Variants in COL4A3 observed in about 807,000 individuals in gnomAD.
COL4A3 encodes the protein collagen type IV alpha 3 chain.
COL4A3 carries 135 observed loss-of-function variants against 217.4 expected under a neutral mutation model. That is an observed-to-expected ratio of 0.62 (90% confidence interval 0.54 to 0.72). The LOEUF is 0.72. Ranked by LOEUF, COL4A3 falls within the 30% of genes least tolerant of loss-of-function variation. COL4A3 has a pLI of 0.00. For synonymous variants in COL4A3, 690 were observed against 736.3 expected, an observed-to-expected ratio of 0.94 and a Z score of 1.02; for missense variants, 1,868 against 2,119.9, an observed-to-expected ratio of 0.88 and a Z score of 2.33.
rs76933712 is a variant in COL4A3, at chr2:227,243,689, G to A, written c.235-631G>A. 5.5e-3 allele frequency among the ~76,000 whole-genome samples: 840 copies of A among 152,326 alleles called. 25 individuals are homozygous for A. The East Asian group carries it at 0.085, about 15-fold the overall frequency. On this transcript the variant is annotated intron_variant, in intron 3 of 51. Transcript: ENST00000396578. Reference sequence around the variant, plus strand: ...TTGGACAATGAAACTTTCACACCACGTGGCCTAGCTGAAACAGTCACCATT... The same window carrying A: ...TTGGACAATGAAACTTTCACACCACATGGCCTAGCTGAAACAGTCACCATT...
chr2:227,308,777 CT>C, intron 48 of COL4A3, 121 bp from the exon 49 acceptor site: 1 of 1,045,038 alleles, frequency 9.6e-7, no homozygotes, highest in Non-Finnish European at 1.5e-6. Flanking sequence ...GCAGATAACT[CT>C]TTTGTGTTGT....
chr2:227,300,943 G>A (rs1357151358), intron 43 of COL4A3, among the ~76,000 whole-genome samples: 3 of 143,288 alleles, frequency 2.1e-5, no homozygotes, highest in Non-Finnish European at 4.8e-5. Context: ...GACAATGGGT[G>A]TGTGTGAGTG....
intron 1 of COL4A3, among the ~76,000 whole-genome samples, chr2:227,198,431 G>C (rs915658864): frequency 3.3e-5 from 5 of 152,172 alleles, no homozygotes; most frequent in Non-Finnish European, 7.3e-5. Context: ...AAACCATTCT[G>C]TCAGTAAAGC....
At chr2:227,188,125 C>A (rs536545706) in intron 1 of COL4A3, among the ~76,000 whole-genome samples, 1 of 152,200 alleles carries the variant, frequency 6.6e-6, no homozygotes, top group African/African-American at 2.4e-5. Flanking sequence ...CAGATATTTT[C>A]TGATTGTTCT....
At chr2:227,280,226 C>T (rs1360228091) in intron 29 of COL4A3, among the ~76,000 whole-genome samples, 1 of 152,122 alleles carries the variant, frequency 6.6e-6, no homozygotes, top group Non-Finnish European at 1.5e-5. Flanking sequence ...TCTTTATAGA[C>T]AATCCCACAG....
intron 1 of COL4A3, among the ~76,000 whole-genome samples, chr2:227,173,414 G>T (rs1335689940): frequency 6.6e-6 from 1 of 152,134 alleles, no homozygotes; most frequent in Non-Finnish European, 1.5e-5. Context: ...CAAAATGTAA[G>T]TCCCTGGCTC....
At chr2:227,217,811 T>C (rs1339217745) in intron 1 of COL4A3, among the ~76,000 whole-genome samples, 1 of 152,134 alleles carries the variant, frequency 6.6e-6, no homozygotes, top group Non-Finnish European at 1.5e-5. Context: ...TGATGGGGCC[T>C]AAATATTTTT....
chr2:227,288,391 C>G (rs1440976640), intron 34 of COL4A3, among the ~76,000 whole-genome samples: 1 of 152,226 alleles, frequency 6.6e-6, no homozygotes, highest in East Asian at 1.9e-4. Flanking sequence ...GCCACTGCAC[C>G]TGGCCCAATG....
intron 1 of COL4A3, among the ~76,000 whole-genome samples, chr2:227,203,126 T>C (rs192622611): frequency 4.0e-5 from 2 of 50,032 alleles, no homozygotes; most frequent in Non-Finnish European, 8.0e-5. Flanking sequence ...TATGTGTATA[T>C]ATACATATAT....
rs909666135 is a variant in COL4A3 at position 227,280,566 on chromosome 2, A to C, written c.2350A>C (p.Asn784His). The C allele has an allele frequency of 6.2e-7, 1 of 1,614,098 alleles. No homozygotes were observed. Among genetic ancestry groups the C allele is most frequent in the South Asian group, 1.1e-5 (1 of 91,078 alleles). ...TCCAGGTCTCCCTGGAACTCCAGGA[A>C]ATGAAGGGCTTGATGGACCACGAGG... is the stretch of plus-strand genomic sequence containing the variant. ...GLPGLPGTPG[N>H]EGLDGPRGDP... Residue 784 changes from asparagine (N) to histidine (H), a missense_variant, in exon 30 of 52, where the codon AAT (asparagine) becomes CAT (histidine). By Grantham distance (68) the Asn-to-His change is moderately conservative. This residue lies in a region of COL4A3 where 1,503 missense variants were observed against 1,786.1 expected (regional missense o/e 0.84). Coordinates refer to ENST00000396578, the MANE Select transcript of COL4A3 (RefSeq NM_000091.5).
intron 1 of COL4A3, among the ~76,000 whole-genome samples, chr2:227,230,267 G>T (rs562877695): frequency 6.6e-6 from 1 of 152,222 alleles, no homozygotes; most frequent in Admixed American, 6.5e-5. Flanking sequence ...GAAAAAGAAT[G>T]ATTTCCACAA....
rs555062858 is a variant in COL4A3, at chr2:227,170,494, G to C, written c.87+5681G>C. Among the ~76,000 whole-genome samples, 5 of 152,220 alleles carry C rather than the reference G, an allele frequency of 3.3e-5. No homozygotes were observed. In the East Asian group the frequency reaches 9.7e-4, roughly 29 times the overall value. ...CATGGTGGCAGGCAAGAGGGAAAGAGACCCAAATGAAAGGGGAAACCCCTT... is the reference window on the plus strand; with the variant it reads ...CATGGTGGCAGGCAAGAGGGAAAGACACCCAAATGAAAGGGGAAACCCCTT... On this transcript the variant is annotated intron_variant, in intron 1 of 51. Transcript: ENST00000396578.
chr2:227,295,062 G>A lies in COL4A3; in HGVS notation c.3517G>A (p.Gly1173Ser). The A allele has an allele frequency of 6.2e-7, 1 of 1,612,790 alleles. No individual in the cohort carries two copies. The highest frequency in any genetic ancestry group is 8.5e-7 in the Non-Finnish European group (1 of 1,179,070). ...PGPAGEKGETGLLRAPPGPRG... is the reference protein window; with the variant it reads ...PGPAGEKGETSLLRAPPGPRG... The stretch of plus-strand genomic sequence containing the variant: ...TCCAGCCGGAGAAAAGGGAGAAACG[G>A]GTACAACTTGCTCATTATCTTTGAT... The change falls in exon 40 of 52, where the codon GGT (glycine) becomes AGT (serine). Residue 1173 changes from glycine to serine, a missense_variant and splice_region_variant. By Grantham distance (56) the Gly-to-Ser change is moderately conservative. Transcript: ENST00000396578.
chr2:227,293,761 T>C (rs986439529), intron 38 of COL4A3: 4 of 470,670 alleles, frequency 8.5e-6, no homozygotes, highest in Admixed American at 2.4e-5. Flanking sequence ...GCTCCGAGTC[T>C]GTGATCAAGC....
At chr2:227,174,653 C>G (rs930700287) in intron 1 of COL4A3, among the ~76,000 whole-genome samples, 1 of 152,054 alleles carries the variant, frequency 6.6e-6, no homozygotes, top group African/African-American at 2.4e-5. Flanking sequence ...ATTACAGGCA[C>G]CTGCCACTAT....
rs1368653221 is a variant in COL4A3, at chr2:227,164,969, C to T, written c.87+156C>T. On this transcript the variant is annotated intron_variant, in intron 1 of 51. Transcript: ENST00000396578. The surrounding 1 kb of genome is among the most constrained non-coding windows in gnomAD (Gnocchi z 4.8). ...TTCACGCAGGTCCCGGGACAGGCAG[C>T]GAGCGGAAGGGAGCAAGCGGGGATG... Among the ~76,000 whole-genome samples, 2 of 152,060 alleles carry T rather than the reference C, an allele frequency of 1.3e-5. No individual in the cohort carries two copies. The highest frequency in any genetic ancestry group is 4.8e-5 in the African/African-American group (2 of 41,422).
At position 227,263,925 on chromosome 2, in the gene COL4A3, G is replaced by A. The variant is rs775957977; in HGVS notation, c.1296G>A (p.Pro432=). Residue 432 remains proline, a synonymous_variant, in exon 21 of 52, where the codon CCG becomes CCA. Coordinates refer to ENST00000396578, the MANE Select transcript of COL4A3 (RefSeq NM_000091.5). ...GTTCACCAGGTCTTCCAGGATCACC[G>A]GGACCTCCAGGACCGCCAGGTAAAG... ...CAGSPGLPGS[P]GPPGPPGDIV... is the part of the protein sequence containing the mutation. 17 of 1,614,004 alleles carry A rather than the reference G, an allele frequency of 1.1e-5. No individual in the cohort carries two copies. Among genetic ancestry groups the A allele is most frequent in the East Asian group, 4.5e-5 (2 of 44,880 alleles).
intron 37 of COL4A3, 142 bp from the exon 38 acceptor site, chr2:227,293,049 C>A: frequency 1.9e-6 from 2 of 1,079,672 alleles, no homozygotes; most frequent in East Asian, 2.6e-5. Flanking sequence ...TTATTCCCAG[C>A]ACCTATCACA....
chr2:227,212,211 T>C (rs562828487), intron 1 of COL4A3, among the ~76,000 whole-genome samples: 1 of 152,120 alleles, frequency 6.6e-6, no homozygotes. Context: ...TTCTTTGTTA[T>C]AGATATTGCA....
Sources: gnomAD v4.1 joint callset for allele counts (sites outside exome capture counted in the v4.1 genomes callset) on GRCh38, gnomAD v4.1.1 for gene constraint, gnomAD v4.1.1 regional missense constraint, Gnocchi (gnomAD v3.1) non-coding constraint, MANE v1.5 for transcripts, NCBI Gene and HGNC (gene_info 2026-07-23, HGNC 2026-07-21) for gene names.